The following RAPGEF1 variants were observed in gnomAD, a reference collection of about 807,000 sequenced individuals.
RAPGEF1 encodes Rap guanine nucleotide exchange factor 1, also known as CRK SH3-binding GNRP.
RAPGEF1 carries 33 observed loss-of-function variants against 143.3 expected under a neutral mutation model. That is an observed-to-expected ratio of 0.23 (90% CI 0.17 to 0.31). RAPGEF1 has a LOEUF of 0.31. Ranked by LOEUF, RAPGEF1 falls within the 10% of genes least tolerant of loss-of-function variation. RAPGEF1 has a pLI of 1.00. For synonymous variants in RAPGEF1, 629 were observed against 676.5 expected (o/e 0.93, Z 1.09); for missense variants, 1,199 against 1,645.4 (o/e 0.73, Z 4.69).
At chr9:131,716,234 G>C (rs1283081680) in intron 1 of RAPGEF1, among the ~76,000 whole-genome samples, 2 of 152,194 alleles carry the variant, frequency 1.3e-5, no homozygotes, top group East Asian at 3.8e-4. Flanking sequence ...CCTTGCTTCA[G>C]ATTTCAAGGA....
At chr9:131,710,479 T>G (rs927677071) in intron 1 of RAPGEF1, among the ~76,000 whole-genome samples, 15 of 152,208 alleles carry the variant, frequency 9.9e-5, no homozygotes, top group Admixed American at 3.9e-4. Context: ...AATCACATAT[T>G]CTTGGTAAAA....
chr9:131,591,303 C>T (rs1050080419), intron 18 of RAPGEF1, among the ~76,000 whole-genome samples: 7 of 152,162 alleles, frequency 4.6e-5, no homozygotes, highest in Non-Finnish European at 1.0e-4. Flanking sequence ...AGCGGGGGCG[C>T]GGGTGGACTC....
At chr9:131,622,846 C>T (rs1417398181) in intron 10 of RAPGEF1, among the ~76,000 whole-genome samples, 1 of 151,834 alleles carries the variant, frequency 6.6e-6, no homozygotes, top group African/African-American at 2.4e-5. Context: ...CGGCTCACTG[C>T]AACCTCCACC....
chr9:131,692,675 C>A (rs1833866359), intron 1 of RAPGEF1, among the ~76,000 whole-genome samples: 1 of 152,234 alleles, frequency 6.6e-6, no homozygotes, highest in Non-Finnish European at 1.5e-5. Flanking sequence ...GAGGCTCTGA[C>A]TCCTCTTGAT....
At chr9:131,696,562 G>A (rs760911376) in intron 1 of RAPGEF1, among the ~76,000 whole-genome samples, 4 of 152,104 alleles carry the variant, frequency 2.6e-5, no homozygotes, top group South Asian at 2.1e-4. Flanking sequence ...CTTTATGCTC[G>A]GACTTTAGAA....
intron 1 of RAPGEF1, among the ~76,000 whole-genome samples, chr9:131,678,213 G>A (rs1457799048): frequency 6.6e-6 from 1 of 152,194 alleles, no homozygotes; most frequent in Non-Finnish European, 1.5e-5. Context: ...CTGCAACTGA[G>A]TTGTATTCGT....
intron 13 of RAPGEF1, 71 bp from the exon 14 acceptor site, chr9:131,604,124 G>T: frequency 3.1e-6 from 3 of 968,852 alleles, no homozygotes; most frequent in Non-Finnish European, 4.4e-6. Flanking sequence ...GCTGGCCAGG[G>T]GATGCCACAG....
chr9:131,595,831 A>T (rs1435946229), intron 17 of RAPGEF1, among the ~76,000 whole-genome samples: 2 of 152,252 alleles, frequency 1.3e-5, no homozygotes, highest in Non-Finnish European at 2.9e-5. Flanking sequence ...GGCCACTGCT[A>T]CAGAATTGAA....
intron 14 of RAPGEF1, among the ~76,000 whole-genome samples, chr9:131,603,383 G>A (rs947752429): frequency 6.6e-6 from 1 of 152,236 alleles, no homozygotes; most frequent in Non-Finnish European, 1.5e-5. Flanking sequence ...GCTGTACCGC[G>A]ATGGTCGGGA....
rs570357965 is a variant in RAPGEF1 at position 131,619,052 on chromosome 9, G to T, written c.2060C>A (p.Ser687Ter). 2 of 1,357,452 alleles carry T rather than the reference G, an allele frequency of 1.5e-6. No homozygotes were observed. The highest frequency in any genetic ancestry group is 1.5e-5 in the African/African-American group (1 of 67,614). 84.1% of individuals were successfully genotyped at this position (1,357,452 alleles called of 1,614,324 possible). Residue 687 changes from serine (S) to a stop codon, truncating the protein, a stop_gained and splice_region_variant, in exon 12 of 27, where the codon TCG (serine) becomes TAG (stop). Transcript: ENST00000683357. LOFTEE classifies it high-confidence loss of function. ...LSRHGSLPVP[S>*]YKSVFRSYSQ... ...AAAGAACAGCAGGGAGCAACTCACC[G>T]AGGGCACGGGCAAGCTGCCGTGCCG...
chr9:131,622,032 G>T (rs555216285), intron 10 of RAPGEF1, 34 bp from the exon 11 acceptor site: 1 of 1,584,168 alleles, frequency 6.3e-7, no homozygotes, highest in Non-Finnish European at 8.6e-7. Context: ...CAGCGAGGCC[G>T]GGGGAGGCCA....
intron 1 of RAPGEF1, among the ~76,000 whole-genome samples, chr9:131,669,298 G>A (rs1372520845): frequency 6.6e-6 from 1 of 152,170 alleles, no homozygotes; most frequent in Non-Finnish European, 1.5e-5. Context: ...GAAGGAGCTG[G>A]CAGCCACAAT....
intron 1 of RAPGEF1, among the ~76,000 whole-genome samples, chr9:131,708,193 C>T (rs941896425): frequency 1.2e-4 from 18 of 152,102 alleles, no homozygotes; most frequent in African/African-American, 3.6e-4. Flanking sequence ...CATTTTCTTC[C>T]AGTTATTTGT....
intron 12 of RAPGEF1, among the ~76,000 whole-genome samples, chr9:131,605,450 G>A (rs907081308): frequency 7.2e-5 from 11 of 152,268 alleles, no homozygotes; most frequent in Admixed American, 5.2e-4. Context: ...CACAGAGAAC[G>A]GCTCAAGTGG....
At chr9:131,695,638 A>G (rs1265945205) in intron 1 of RAPGEF1, among the ~76,000 whole-genome samples, 1 of 152,162 alleles carries the variant, frequency 6.6e-6, no homozygotes, top group Non-Finnish European at 1.5e-5. Flanking sequence ...GGTGTACCTC[A>G]ATGTCTGGCT....
Position 131,679,737 on chromosome 9 carries a change from C to T in RAPGEF1, c.62-28788G>A, listed in dbSNP as rs145639202. ...AGGGTCTTCATTCAAGTTGCCCACT[C>T]GGGGTGTGGGCAAAAGAACTGATTT... is the stretch of plus-strand genomic sequence containing the variant. On this transcript the variant is annotated intron_variant, in intron 1 of 26. Transcript: ENST00000683357. Among the ~76,000 whole-genome samples, 372 of 152,314 alleles carry T rather than the reference C, an allele frequency of 2.4e-3. 1 individual carries two copies. The highest frequency in any genetic ancestry group is 6.1e-3 in the African/African-American group (253 of 41,578).
At chr9:131,585,326 G>A (rs1952528570) in intron 22 of RAPGEF1, among the ~76,000 whole-genome samples, 2 of 150,352 alleles carry the variant, frequency 1.3e-5, no homozygotes, top group South Asian at 4.3e-4. Flanking sequence ...GACTATAGGT[G>A]TGCACCACTG....
intron 16 of RAPGEF1, 48 bp downstream of exon 16, chr9:131,598,151 C>T (rs1313124619): frequency 6.6e-7 from 1 of 1,507,328 alleles, no homozygotes; most frequent in Non-Finnish European, 9.2e-7. Context: ...CCCACCTGCT[C>T]TCCTCTGTGG....
chr9:131,696,971 G>A (rs146161880), intron 1 of RAPGEF1, among the ~76,000 whole-genome samples: 157 of 152,360 alleles, frequency 1.0e-3, no homozygotes, highest in African/African-American at 3.6e-3. Flanking sequence ...GGTGTAATTA[G>A]TTGCCTTCAT....
Sources: allele counts gnomAD v4.1 joint callset (sites outside exome capture counted in the v4.1 genomes callset), GRCh38; gene constraint gnomAD v4.1.1; transcripts MANE v1.5; gene names NCBI Gene and HGNC (gene_info 2026-07-23, HGNC 2026-07-21).